CFAP299: variants seen among roughly 807,000 people sequenced by gnomAD.
CFAP299 encodes cilia and flagella associated protein 299.
In CFAP299, 21 loss-of-function variants were observed where a neutral mutation model predicts 27.0. That is an observed-to-expected ratio of 0.78 (90% confidence interval 0.55 to 1.12). The LOEUF (loss-of-function observed/expected upper bound fraction) is 1.12. Ranked by LOEUF, CFAP299 falls within the 50% of genes most tolerant of loss-of-function variation. The probability of loss-of-function intolerance (pLI) is 0.00; values close to 1 mark genes in which losing one functional copy is unlikely to be tolerated. For synonymous variants in CFAP299, 104 were observed against 98.1 expected (o/e 1.06, Z -0.36); for missense variants, 310 against 276.6 (o/e 1.12, Z -0.86).
intron 3 of CFAP299, among the ~76,000 whole-genome samples, chr4:80,735,451 C>G (rs1483069131): frequency 1.3e-5 from 2 of 152,072 alleles, no homozygotes; most frequent in Non-Finnish European, 2.9e-5. Context: ...TCTGATTGCT[C>G]TAGCTAGAAC....
intron 5 of CFAP299, among the ~76,000 whole-genome samples, chr4:80,962,329 A>G (rs996022335): frequency 7.9e-5 from 12 of 151,994 alleles, no homozygotes; most frequent in African/African-American, 1.9e-4. Flanking sequence ...ACATATCTGT[A>G]TAGGGAATAA....
At chr4:80,385,989 G>A (rs1724954357) in intron 2 of CFAP299, among the ~76,000 whole-genome samples, 1 of 152,230 alleles carries the variant, frequency 6.6e-6, no homozygotes, top group South Asian at 2.1e-4. Flanking sequence ...AATGTTGCAG[G>A]GCTTTCCAGC....
intron 2 of CFAP299, among the ~76,000 whole-genome samples, chr4:80,550,588 T>A (rs1734454912): frequency 6.6e-6 from 1 of 152,130 alleles, no homozygotes; most frequent in Non-Finnish European, 1.5e-5. Context: ...CTGTTAAGAA[T>A]TAGTTATATT....
intron 2 of CFAP299, among the ~76,000 whole-genome samples, chr4:80,388,982 T>C (rs1170433136): frequency 6.6e-6 from 1 of 152,170 alleles, no homozygotes; most frequent in Non-Finnish European, 1.5e-5. Flanking sequence ...TACAGTAATA[T>C]GTGGGTGTGT....
chr4:80,452,220 A>C (rs943550046), intron 2 of CFAP299, among the ~76,000 whole-genome samples: 2 of 151,906 alleles, frequency 1.3e-5, no homozygotes, highest in Non-Finnish European at 2.9e-5. Flanking sequence ...TACTTACATT[A>C]AAGGAACATG....
In CFAP299 at chr4:80,478,555, G is replaced by GA. The variant is rs577817890; in HGVS notation, c.243-104532dup. The stretch of plus-strand genomic sequence containing the variant: ...AAAACAATATTAAGCCTAAATTAAA[G>GA]AAAAAATTACAGAAAATTCAAAATC... On this transcript the variant is annotated intron_variant, in intron 2 of 5. Coordinates refer to ENST00000358105, the MANE Select transcript of CFAP299 (RefSeq NM_152770.3). 7.2e-5 allele frequency among the ~76,000 whole-genome samples: 11 copies of GA among 151,896 alleles called. No individual in the cohort carries two copies. The East Asian group carries it at 1.2e-3, about 16-fold the overall frequency.
chr4:80,465,125 TG>T (rs1375779863), intron 2 of CFAP299, among the ~76,000 whole-genome samples: 8 of 152,192 alleles, frequency 5.3e-5, no homozygotes, highest in Non-Finnish European at 8.8e-5. Flanking sequence ...TAATCCCAGT[TG>T]TTTTTTTTAA....
At chr4:80,339,311 G>T (rs1048238693) in intron 1 of CFAP299, among the ~76,000 whole-genome samples, 8 of 152,160 alleles carry the variant, frequency 5.3e-5, no homozygotes, top group African/African-American at 1.9e-4. Flanking sequence ...TTTGTAAATA[G>T]TGCTTTTATT....
At chr4:80,777,370 G>A (rs1726610494) in intron 3 of CFAP299, among the ~76,000 whole-genome samples, 1 of 151,996 alleles carries the variant, frequency 6.6e-6, no homozygotes, top group African/African-American at 2.4e-5. Context: ...CTGAGACATT[G>A]GATTGTTTGA....
intron 2 of CFAP299, among the ~76,000 whole-genome samples, chr4:80,419,666 C>T (rs939891431): frequency 5.9e-5 from 9 of 152,202 alleles, no homozygotes; most frequent in African/African-American, 1.2e-4. Flanking sequence ...ATTCCCGGTG[C>T]GGGGTGCCTC....
chr4:80,495,605 C>A (rs974072913), intron 2 of CFAP299, among the ~76,000 whole-genome samples: 1 of 152,136 alleles, frequency 6.6e-6, no homozygotes, highest in Admixed American at 6.5e-5. Flanking sequence ...CGTTTGAGAT[C>A]AGCCTGGACA....
chr4:80,883,665 T>G (rs1425361159), intron 4 of CFAP299, among the ~76,000 whole-genome samples: 1 of 152,102 alleles, frequency 6.6e-6, no homozygotes, highest in Admixed American at 6.5e-5. Flanking sequence ...AGACTTTATA[T>G]AGAAAATTTT....
chr4:80,765,492 C>G (rs1456999839), intron 3 of CFAP299, among the ~76,000 whole-genome samples: 1 of 151,848 alleles, frequency 6.6e-6, no homozygotes, highest in East Asian at 1.9e-4. Context: ...ACTAAAGTAT[C>G]ATAGTTTCAA....
At chr4:80,799,671 A>AATATATATTTTATATAT (rs1728198810) in intron 3 of CFAP299, among the ~76,000 whole-genome samples, 2 of 9,428 alleles carry the variant, frequency 2.1e-4, no homozygotes, top group Non-Finnish European at 2.4e-4. Flanking sequence ...TATTTTATAA[A>AATATATATTTTATATAT]TATATATTTA....
At chr4:80,926,678 A>G (rs1030068824) in intron 4 of CFAP299, among the ~76,000 whole-genome samples, 4 of 152,048 alleles carry the variant, frequency 2.6e-5, no homozygotes, top group Non-Finnish European at 5.9e-5. Context: ...ACTCACAAAC[A>G]TGATAAGACA....
chr4:80,870,155 TG>T lies in CFAP299; in HGVS notation c.476+21del. 1 of 1,589,138 alleles carries T rather than the reference TG, an allele frequency of 6.3e-7. No individual in the cohort carries two copies. The highest frequency in any genetic ancestry group is 8.6e-7 in the Non-Finnish European group (1 of 1,167,712). On this transcript the variant is annotated intron_variant, in intron 4 of 5. Transcript: ENST00000358105. ...TATAAGGTAAATTACATACAATTTT[TG>T]CACCCTTAGAGGCAGGGACAAAGAC...
chr4:80,938,172 T>C lies in CFAP299; in HGVS notation c.477-6638T>C, dbSNP rs149390826. On this transcript the variant is annotated intron_variant, in intron 4 of 5. Coordinates refer to ENST00000358105, the MANE Select transcript of CFAP299 (RefSeq NM_152770.3). ...AAAAATGACCCTTACATAATCATTA[T>C]AGTATTAGAGGATTCTGTGTTGGGA... 1.3e-3 allele frequency among the ~76,000 whole-genome samples: 194 copies of C among 152,322 alleles called. 1 individual carries two copies. Among genetic ancestry groups the C allele is most frequent in the African/African-American group, 4.3e-3 (180 of 41,574 alleles).
intron 2 of CFAP299, among the ~76,000 whole-genome samples, chr4:80,535,806 A>G (rs2110192908): frequency 6.6e-6 from 1 of 152,328 alleles, no homozygotes; most frequent in Non-Finnish European, 1.5e-5. Flanking sequence ...GTATGTGTCA[A>G]TAGCATGGTG....
intron 3 of CFAP299, among the ~76,000 whole-genome samples, chr4:80,661,996 A>G (rs1316917440): frequency 6.6e-6 from 1 of 152,180 alleles, no homozygotes. Context: ...CACTTAAAAA[A>G]TTTTGGTCAG....
Sources: allele counts gnomAD v4.1 joint callset (sites outside exome capture counted in the v4.1 genomes callset), GRCh38; gene constraint gnomAD v4.1.1; transcripts MANE v1.5; gene names NCBI Gene and HGNC (gene_info 2026-07-23, HGNC 2026-07-21).